NEDD4L: variants seen among roughly 807,000 people sequenced by gnomAD.
NEDD4L encodes the protein E3 ubiquitin-protein ligase NEDD4-like.
A neutral mutation model predicts 148.9 loss-of-function variants in NEDD4L; 54 were observed. The observed-to-expected ratio is 0.36, with a 90% confidence interval of 0.29 to 0.45. The LOEUF is 0.45. Ranked by LOEUF, NEDD4L falls within the 20% of genes least tolerant of loss-of-function variation. The probability of loss-of-function intolerance (pLI) is 1.00; values close to 1 mark genes in which losing one functional copy is unlikely to be tolerated. For synonymous variants in NEDD4L, 433 were observed against 440.7 expected, an observed-to-expected ratio of 0.98 and a Z score of 0.22; for missense variants, 856 against 1,233.8, an observed-to-expected ratio of 0.69 and a Z score of 4.59.
At chr18:58,109,759 G>A (rs925356692) in intron 1 of NEDD4L, among the ~76,000 whole-genome samples, 5 of 151,798 alleles carry the variant, frequency 3.3e-5, no homozygotes, top group Non-Finnish European at 7.4e-5. Flanking sequence ...TAGTAGAGAC[G>A]GGGTTTCGCC....
chr18:58,187,088 G>C (rs972522622), intron 2 of NEDD4L, among the ~76,000 whole-genome samples: 2 of 152,234 alleles, frequency 1.3e-5, no homozygotes, highest in Non-Finnish European at 2.9e-5. Flanking sequence ...AGGCCACTCA[G>C]TAGGAAGGGC....
intron 5 of NEDD4L, among the ~76,000 whole-genome samples, chr18:58,306,913 C>CAAA (rs2057133436): frequency 6.6e-6 from 1 of 152,192 alleles, no homozygotes; most frequent in East Asian, 1.9e-4. Flanking sequence ...GGATTACAGG[C>CAAA]GTGAGCCACC....
chr18:58,263,564 G>C (rs2148692367), intron 5 of NEDD4L, among the ~76,000 whole-genome samples: 1 of 151,220 alleles, frequency 6.6e-6, no homozygotes, highest in East Asian at 1.9e-4. Flanking sequence ...TTCGAGAGCT[G>C]GTAGACTTTT....
chr18:58,178,626 C>T (rs1007019095), intron 2 of NEDD4L, among the ~76,000 whole-genome samples: 9 of 152,224 alleles, frequency 5.9e-5, no homozygotes, highest in East Asian at 1.9e-4. Context: ...GTAACTCCTC[C>T]GTAAATTATT....
At chr18:58,095,122 T>C (rs1171951494) in intron 1 of NEDD4L, among the ~76,000 whole-genome samples, 5 of 152,184 alleles carry the variant, frequency 3.3e-5, no homozygotes, top group East Asian at 3.9e-4. Context: ...GAGGTTCTCA[T>C]TGTTTTATTC....
At chr18:58,060,781 G>C (rs938247007) in intron 1 of NEDD4L, among the ~76,000 whole-genome samples, 3 of 151,670 alleles carry the variant, frequency 2.0e-5, no homozygotes, top group African/African-American at 7.3e-5. Context: ...TTTTTGAGAC[G>C]GAGTTTTGCT....
intron 2 of NEDD4L, among the ~76,000 whole-genome samples, chr18:58,210,745 TA>T (rs1187745488): frequency 1.3e-5 from 2 of 152,172 alleles, no homozygotes; most frequent in Non-Finnish European, 2.9e-5. Flanking sequence ...GTTCATTTTA[TA>T]AAACCATCAA....
intron 5 of NEDD4L, among the ~76,000 whole-genome samples, chr18:58,311,382 C>G (rs1053242041): frequency 6.6e-6 from 1 of 152,212 alleles, no homozygotes; most frequent in African/African-American, 2.4e-5. Context: ...CCAAGAATCA[C>G]CAGTGCTTTT....
chr18:58,275,109 G>A (rs187588033), intron 5 of NEDD4L, among the ~76,000 whole-genome samples: 1 of 152,248 alleles, frequency 6.6e-6, no homozygotes, highest in African/African-American at 2.4e-5. Flanking sequence ...GCCTACTGTT[G>A]ACAGAAGCCT....
At chr18:58,172,593 G>A (rs1305490955) in intron 2 of NEDD4L, among the ~76,000 whole-genome samples, 1 of 152,212 alleles carries the variant, frequency 6.6e-6, no homozygotes, top group Non-Finnish European at 1.5e-5. Flanking sequence ...TTAGTAAGTT[G>A]TAGAGCTAGG....
chr18:58,351,279 GT>G (rs997684031), intron 18 of NEDD4L: 219 of 598,908 alleles, frequency 3.7e-4, no homozygotes, highest in Middle Eastern at 8.7e-4. Flanking sequence ...CTATTAACGT[GT>G]TTTTTTTTGT....
At chr18:58,335,440 C>A in intron 12 of NEDD4L, 38 bp from the exon 13 acceptor site, 1 of 1,573,220 alleles carries the variant, frequency 6.4e-7, no homozygotes. Context: ...GGGGTCATCC[C>A]CTAAGTGCAT....
At chr18:58,358,576 T>A (rs2045038981) in intron 19 of NEDD4L, among the ~76,000 whole-genome samples, 1 of 152,222 alleles carries the variant, frequency 6.6e-6, no homozygotes, top group Non-Finnish European at 1.5e-5. Context: ...TAAATCTTAC[T>A]GAAAATTGCT....
intron 23 of NEDD4L, chr18:58,372,202 C>T (rs1326740131): frequency 6.6e-6 from 1 of 152,172 alleles, no homozygotes. Context: ...CAGCCTCTAT[C>T]CCCTGGCACA....
intron 1 of NEDD4L, among the ~76,000 whole-genome samples, chr18:58,062,805 G>T (rs555997209): frequency 3.3e-5 from 5 of 152,132 alleles, no homozygotes; most frequent in Admixed American, 6.6e-5. Flanking sequence ...TGGCTAACAC[G>T]GTGAAACCCC....
At chr18:58,297,735 G>A (rs2055857311) in intron 5 of NEDD4L, among the ~76,000 whole-genome samples, 1 of 152,148 alleles carries the variant, frequency 6.6e-6, no homozygotes, top group African/African-American at 2.4e-5. Context: ...AGCTGAGTGG[G>A]CCCTAAACGC....
chr18:58,183,958 A>G lies in NEDD4L; in HGVS notation c.122+18097A>G, dbSNP rs544583756. On this transcript the variant is annotated intron_variant, in intron 2 of 30. Transcript: ENST00000400345. ...GCCAAGGCGGGCGGATCATGAGGTC[A>G]GGAGATCAAGGCCATCCTGGCTAAC... Among the ~76,000 whole-genome samples, 9 of 152,298 alleles carry G rather than the reference A, an allele frequency of 5.9e-5. No homozygotes were observed. The East Asian group carries it at 9.7e-4, about 16-fold the overall frequency.
chr18:58,230,957 G>A (rs1236399001), intron 2 of NEDD4L, among the ~76,000 whole-genome samples: 1 of 152,078 alleles, frequency 6.6e-6, no homozygotes, highest in Non-Finnish European at 1.5e-5. Context: ...CTTGAAAAGG[G>A]ACAAACAAGT....
chr18:58,355,963 A>G (rs2044571185), intron 18 of NEDD4L, among the ~76,000 whole-genome samples: 1 of 151,696 alleles, frequency 6.6e-6, no homozygotes, highest in Non-Finnish European at 1.5e-5. Context: ...CTTCCCCTGC[A>G]CTCCCCCGCC....
Sources: gnomAD v4.1 joint callset for allele counts (sites outside exome capture counted in the v4.1 genomes callset) on GRCh38, gnomAD v4.1.1 for gene constraint, MANE v1.5 for transcripts, NCBI Gene and HGNC (gene_info 2026-07-23, HGNC 2026-07-21) for gene names.